CACNA1S: variants seen among roughly 807,000 people sequenced by gnomAD.
The protein encoded by CACNA1S is calcium voltage-gated channel subunit alpha1 S.
A neutral mutation model predicts 207.4 loss-of-function variants in CACNA1S; 126 were observed. The observed-to-expected ratio is 0.61, with a 90% CI of 0.53 to 0.70. The LOEUF is 0.70. CACNA1S is among the 30% of genes least tolerant of loss of function. The probability of loss-of-function intolerance (pLI) is 0.00; values close to 1 mark genes in which losing one functional copy is unlikely to be tolerated. For synonymous variants in CACNA1S, 960 were observed against 932.7 expected, an observed-to-expected ratio of 1.03 and a Z score of -0.53; for missense variants, 2,349 against 2,422.8, an observed-to-expected ratio of 0.97 and a Z score of 0.64.
Position 201,060,719 on chromosome 1 carries a change from G to C in CACNA1S, c.3353C>G (p.Ser1118Cys), listed in dbSNP as rs1172738972. The C allele has an allele frequency of 1.9e-6, 3 of 1,614,180 alleles. No homozygotes were observed. The highest frequency in any genetic ancestry group is 1.1e-5 in the South Asian group (1 of 91,072). The change falls in exon 26 of 44, where the codon TCC becomes TGC. Residue 1118 changes from serine to cysteine, a missense_variant. Ser to Cys is a moderately radical substitution (Grantham distance 112). Transcript: ENST00000362061. The part of the protein sequence containing the change: ...QYQVWYIVTS[S>C]YFEYLMFALI... ...GGCAAACATCAGGTATTCAAAGTAG[G>C]AGGAGGTGACAATGTACCACACCTG...
At position 201,077,087 on chromosome 1, in the gene CACNA1S, T is replaced by C. The variant is rs1661653168; in HGVS notation, c.1660A>G (p.Asn554Asp). 1 of 1,614,106 alleles carries C rather than the reference T, an allele frequency of 6.2e-7. No individual in the cohort carries two copies. ...AGGGAGGCGATGGAGCGGATGGAGT[T>C]GAGCAGGGATGCCACCAGGTTGCTC... ...SLSNLVASLLNSIRSIASLLL... is the reference protein window; with the variant it reads ...SLSNLVASLLDSIRSIASLLL... Residue 554 changes from asparagine (N) to aspartate (D), a missense_variant, in exon 12 of 44, where the codon AAC (asparagine) becomes GAC (aspartate). Transcript: ENST00000362061.
At chr1:201,099,011 G>C (rs958799108) in intron 2 of CACNA1S, among the ~76,000 whole-genome samples, 5 of 152,098 alleles carry the variant, frequency 3.3e-5, no homozygotes, top group African/African-American at 1.2e-4. Flanking sequence ...CAGAGTCTTG[G>C]GTTGAAAAAA....
chr1:201,040,344 C>T lies in CACNA1S; in HGVS notation c.5257G>A (p.Asp1753Asn). 6.2e-7 allele frequency: 1 copy of T among 1,613,758 alleles called. No homozygotes were observed. Residue 1753 changes from aspartate (D) to asparagine (N), a missense_variant, in exon 43 of 44, where the codon GAC (aspartate) becomes AAC (asparagine). Asp to Asn is a conservative substitution (Grantham distance 23, BLOSUM62 1). Coordinates refer to ENST00000362061, the MANE Select transcript of CACNA1S (RefSeq NM_000069.3). ...GACCCTGGTGTGGAGCTCTTTCTGT[C>T]CTCAGGCATGGAGGACTCCACCCTG... ...CPRVESSMPE[D>N]RKSSTPGSLH... is the part of the protein sequence containing the mutation.
chr1:201,094,897 C>T (rs545759210), intron 2 of CACNA1S, among the ~76,000 whole-genome samples: 111 of 152,132 alleles, frequency 7.3e-4, no homozygotes, highest in African/African-American at 2.6e-3. Context: ...CATCACCTTT[C>T]CCCCTCTTCT....
rs950970659 is a variant in CACNA1S at position 201,044,953 on chromosome 1, T to C, written c.4669-497A>G. Among the ~76,000 whole-genome samples the C allele has an allele frequency of 3.9e-5, 6 of 152,362 alleles. No individual in the cohort carries two copies. In the East Asian group the frequency reaches 1.2e-3, roughly 29 times the overall value. On this transcript the variant is annotated intron_variant, in intron 38 of 43. Coordinates refer to ENST00000362061, the MANE Select transcript of CACNA1S (RefSeq NM_000069.3). ...CCAGGTCCTGCTCTGGCCTCTGGGA[T>C]AGCCCACACCTTAATTGTTCCAATT...
intron 16 of CACNA1S, among the ~76,000 whole-genome samples, chr1:201,071,342 T>C (rs1661431222): frequency 1.3e-5 from 2 of 152,020 alleles, no homozygotes; most frequent in Non-Finnish European, 2.9e-5. Context: ...TCTTATTCCT[T>C]GGAATGAGTG....
intron 29 of CACNA1S, among the ~76,000 whole-genome samples, chr1:201,054,259 G>A (rs922894062): frequency 2.6e-5 from 4 of 152,178 alleles, no homozygotes; most frequent in African/African-American, 7.2e-5. Flanking sequence ...CTGCATAGAG[G>A]GTGCCAGAGA....
chr1:201,074,542 G>GC lies in CACNA1S; in HGVS notation c.2026dup (p.Ala676GlyfsTer4), dbSNP rs774934843. On this transcript the variant is annotated frameshift_variant, in exon 14 of 44. Transcript: ENST00000362061. LOFTEE classifies it high-confidence loss of function. ...CCTGCGTTTTTTCTCCTCAGCCTTG[G>GC]CCTTCTGGGCAGAAGTCAGGCTCTC... The GC allele has an allele frequency of 6.2e-7, 1 of 1,613,828 alleles. No individual in the cohort carries two copies. The highest frequency in any genetic ancestry group is 2.2e-5 in the East Asian group (1 of 44,886).
chr1:201,047,607 G>C lies in CACNA1S; in HGVS notation c.4461C>G (p.Asn1487Lys). ...IKTEGNFEQA[N>K]EELRAIIKKI... Reference sequence around the variant, plus strand: ...TCTTGATGATGGCCCTCAGCTCCTCGTTGGCCTGCTCAAAGTTACCTGGAG... The same window carrying C: ...TCTTGATGATGGCCCTCAGCTCCTCCTTGGCCTGCTCAAAGTTACCTGGAG... Residue 1487 changes from asparagine to lysine, a missense_variant, in exon 37 of 44, where the codon AAC becomes AAG. Coordinates refer to ENST00000362061, the MANE Select transcript of CACNA1S (RefSeq NM_000069.3). 6.2e-7 allele frequency: 1 copy of C among 1,614,098 alleles called. No individual in the cohort carries two copies. Among genetic ancestry groups the C allele is most frequent in the Non-Finnish European group, 8.5e-7 (1 of 1,179,968 alleles).
intron 2 of CACNA1S, among the ~76,000 whole-genome samples, chr1:201,101,501 G>A (rs1468196683): frequency 6.6e-6 from 1 of 152,258 alleles, no homozygotes; most frequent in East Asian, 1.9e-4. Flanking sequence ...TGACACAGGG[G>A]CTCGGCACCT....
Position 201,112,418 on chromosome 1 carries a change from T to C in CACNA1S, c.-79A>G, listed in dbSNP as rs774813348. On this transcript the variant is annotated 5_prime_UTR_variant, in exon 1 of 44. Transcript: ENST00000362061. ...TCCCTGTGTCCCCAATGCCCCCGCC[T>C]TGGGGACTAGGCTGGCTGAGGCTGT... 1 of 1,607,696 alleles carries C rather than the reference T, an allele frequency of 6.2e-7. No homozygotes were observed.
intron 34 of CACNA1S, 45 bp from the exon 35 acceptor site, chr1:201,049,144 C>T: frequency 1.5e-6 from 2 of 1,340,124 alleles, no homozygotes; most frequent in Non-Finnish European, 2.1e-6. Context: ...CCCTCCTCCG[C>T]TGCCAGAACC....
At chr1:201,061,581 C>G in intron 24 of CACNA1S, 113 bp from the exon 25 acceptor site, 1 of 1,034,856 alleles carries the variant, frequency 9.7e-7, no homozygotes, top group South Asian at 1.5e-5. Flanking sequence ...AGAGCCTTCT[C>G]AACAATCAAG....
In CACNA1S at chr1:201,076,598, T is replaced by C. The variant is rs545617498; in HGVS notation, c.1827+322A>G. The stretch of plus-strand genomic sequence containing the variant: ...ATCTGACTTTGCCCTGAGACCTGAG[T>C]GGCACATGAAAGCACGCATCCGGAC... On this transcript the variant is annotated intron_variant, in intron 12 of 43. Transcript: ENST00000362061. Among the ~76,000 whole-genome samples, 6 of 152,242 alleles carry C rather than the reference T, an allele frequency of 3.9e-5. No individual in the cohort carries two copies. The South Asian group carries it at 6.2e-4, about 16-fold the overall frequency.
chr1:201,050,912 G>C, intron 33 of CACNA1S, 72 bp downstream of exon 33: 1 of 1,510,132 alleles, frequency 6.6e-7, no homozygotes, highest in Non-Finnish European at 9.2e-7. Context: ...GGCCAGGAAG[G>C]GGCAGGCAGG....
chr1:201,100,946 C>T (rs756910831), intron 2 of CACNA1S, among the ~76,000 whole-genome samples: 45 of 151,738 alleles, frequency 3.0e-4, no homozygotes, highest in African/African-American at 4.8e-4. Flanking sequence ...AAAGGGCTAA[C>T]GCAGTAATAG....
chr1:201,061,552 C>G, intron 24 of CACNA1S, 84 bp from the exon 25 acceptor site: 2 of 1,339,236 alleles, frequency 1.5e-6, no homozygotes, highest in South Asian at 1.3e-5. Flanking sequence ...CTTTATCCCA[C>G]TGGCTGTGGA....
chr1:201,063,760 T>G (rs1160375141), intron 22 of CACNA1S, among the ~76,000 whole-genome samples: 1 of 152,202 alleles, frequency 6.6e-6, no homozygotes, highest in Non-Finnish European at 1.5e-5. Flanking sequence ...GTGCTGTTCC[T>G]ATCACATGCC....
intron 39 of CACNA1S, among the ~76,000 whole-genome samples, chr1:201,043,749 G>A (rs1478700429): frequency 6.6e-6 from 1 of 152,182 alleles, no homozygotes; most frequent in Non-Finnish European, 1.5e-5. Flanking sequence ...ACCTAAGGAG[G>A]TATATAGGGG....
Sources: gnomAD v4.1 joint callset for allele counts (sites outside exome capture counted in the v4.1 genomes callset) on GRCh38, gnomAD v4.1.1 for gene constraint, MANE v1.5 for transcripts, NCBI Gene and HGNC (gene_info 2026-07-23, HGNC 2026-07-21) for gene names.